DMRT1: variants seen among roughly 807,000 people sequenced by gnomAD.
The protein encoded by DMRT1 is doublesex and mab-3 related transcription factor 1.
DMRT1 carries 7 observed loss-of-function variants against 32.3 expected under a neutral mutation model. That is an observed-to-expected ratio of 0.22 (90% confidence interval 0.12 to 0.41). The LOEUF is 0.41. Among genes scored for constraint, DMRT1 ranks in the 10% least tolerant of loss-of-function variants. The probability of loss-of-function intolerance (pLI) is 1.00; values close to 1 mark genes in which losing one functional copy is unlikely to be tolerated. For synonymous variants in DMRT1, 278 were observed against 206.1 expected (o/e 1.35, Z -2.99); for missense variants, 625 against 500.5 (o/e 1.25, Z -2.37).
intron 3 of DMRT1, among the ~76,000 whole-genome samples, chr9:912,694 G>T (rs1311160654): frequency 6.6e-6 from 1 of 152,064 alleles, no homozygotes; most frequent in Non-Finnish European, 1.5e-5. Flanking sequence ...GCCTGTTTTA[G>T]TTAATATAGG....
chr9:842,855 C>T (rs940186424), intron 1 of DMRT1: 8 of 152,358 alleles, frequency 5.3e-5, no homozygotes, highest in African/African-American at 1.7e-4. Context: ...GGGTTCGCCC[C>T]TCTGGGCTTC....
chr9:932,517 T>C (rs1419197834), intron 4 of DMRT1, among the ~76,000 whole-genome samples: 1 of 152,218 alleles, frequency 6.6e-6, no homozygotes, highest in Non-Finnish European at 1.5e-5. Flanking sequence ...GATCATTTTG[T>C]TCAGTCCTAA....
intron 4 of DMRT1, among the ~76,000 whole-genome samples, chr9:963,844 T>A (rs1024973035): frequency 6.6e-6 from 1 of 152,240 alleles, no homozygotes; most frequent in African/African-American, 2.4e-5. Flanking sequence ...AAGAATTTGT[T>A]GTTTAAGAAA....
Position 847,852 on chromosome 9 carries a change from A to G in DMRT1, c.538+709A>G, listed in dbSNP as rs150144779. On this transcript the variant is annotated intron_variant, in intron 2 of 4. Coordinates refer to ENST00000382276, the MANE Select transcript of DMRT1 (RefSeq NM_021951.3). ...GCTTTTTAAATTTAAATTCATTACAATGAAATAAATGAAAACATTCGGTTT... is the reference window on the plus strand; with the variant it reads ...GCTTTTTAAATTTAAATTCATTACAGTGAAATAAATGAAAACATTCGGTTT... Among the ~76,000 whole-genome samples, 9 of 152,352 alleles carry G rather than the reference A, an allele frequency of 5.9e-5. No homozygotes were observed. In the East Asian group the frequency reaches 1.5e-3, roughly 26 times the overall value.
chr9:846,372 T>A (rs1422400460), intron 1 of DMRT1, among the ~76,000 whole-genome samples: 1 of 152,074 alleles, frequency 6.6e-6, no homozygotes, highest in Non-Finnish European at 1.5e-5. Context: ...TAGGATACAA[T>A]CTACTCTTAC....
chr9:964,848 T>C (rs72701072), intron 4 of DMRT1, among the ~76,000 whole-genome samples: 10,843 of 152,206 alleles, frequency 0.071, 513 homozygotes, highest in South Asian at 0.18. Context: ...TCCAGAGAGA[T>C]TGAACCAATT....
chr9:848,335 G>A (rs10977034), intron 2 of DMRT1, among the ~76,000 whole-genome samples: 106,276 of 151,948 alleles, frequency 0.7, 38,020 homozygotes, highest in Middle Eastern at 0.78. Flanking sequence ...TATGAATCTT[G>A]GCCATTATTA....
At chr9:947,073 T>C (rs1819269968) in intron 4 of DMRT1, among the ~76,000 whole-genome samples, 1 of 152,186 alleles carries the variant, frequency 6.6e-6, no homozygotes. Context: ...AAGCAACTCG[T>C]CTACAGCAGC....
intron 4 of DMRT1, among the ~76,000 whole-genome samples, chr9:951,711 T>C (rs1170822200): frequency 6.6e-6 from 1 of 152,168 alleles, no homozygotes. Flanking sequence ...AGGGAGGGTA[T>C]AAGTTGTAGT....
At chr9:888,735 A>AGGG in intron 2 of DMRT1, among the ~76,000 whole-genome samples, 1 of 143,572 alleles carries the variant, frequency 7.0e-6, no homozygotes. Context: ...CGATGCAGTC[A>AGGG]GGGGCATGAA....
At chr9:914,638 C>T (rs1383848947) in intron 3 of DMRT1, among the ~76,000 whole-genome samples, 1 of 149,950 alleles carries the variant, frequency 6.7e-6, no homozygotes, top group African/African-American at 2.4e-5. Context: ...AGTGATTGGC[C>T]TAGAAGAGAC....
Position 842,230 on chromosome 9 carries a change from G to GTTTTTTTTTTTTTTTTTTTTTTTT in DMRT1, c.354+61_354+62insTTTTTTTTTTTTTTTTTTTTTTTT, listed in dbSNP as rs780064237. 11 of 1,267,102 alleles carry GTTTTTTTTTTTTTTTTTTTTTTTT rather than the reference G, an allele frequency of 8.7e-6. No homozygotes were observed. The African/African-American group carries it at 1.7e-4, about 20-fold the overall frequency. The allele number at this position is 1,267,102 out of a possible 1,614,324, so 78.5% of individuals were successfully genotyped here. ...GTGCGGGAGCCCGGGTTCAGCCTTA[G>GTTTTTTTTTTTTTTTTTTTTTTTT]TTTTTTTTTTTTTTTTTTTTTTTAG... On this transcript the variant is annotated intron_variant, in intron 1 of 4. Coordinates refer to ENST00000382276, the MANE Select transcript of DMRT1 (RefSeq NM_021951.3).
At chr9:860,260 G>T (rs1176202986) in intron 2 of DMRT1, among the ~76,000 whole-genome samples, 2 of 152,142 alleles carry the variant, frequency 1.3e-5, no homozygotes, top group African/African-American at 4.8e-5. Flanking sequence ...TCGTGCCATT[G>T]TACTCCAGCC....
chr9:904,938 G>A (rs1447263351), intron 3 of DMRT1, among the ~76,000 whole-genome samples: 2 of 76,856 alleles, frequency 2.6e-5, no homozygotes, highest in African/African-American at 4.3e-5. Context: ...ACGAAACTCC[G>A]TCTCAAAAAA....
intron 4 of DMRT1, among the ~76,000 whole-genome samples, chr9:951,596 T>G (rs1819428831): frequency 6.6e-6 from 1 of 152,194 alleles, no homozygotes; most frequent in Admixed American, 6.5e-5. Context: ...GTTGGCAGCA[T>G]GAAGCTTGCA....
In DMRT1 at chr9:842,034, G is replaced by T. The variant is rs892360541; in HGVS notation, c.196G>T (p.Gly66Trp). ...CTCCGGGGCGTCGGACCTGGGTGCC[G>T]GGAGCAAGAAGTCCCCGCGGCTGCC... The part of the protein sequence containing the change: ...SGSGASDLGA[G>W]SKKSPRLPKC... The change falls in exon 1 of 5, where the codon GGG (glycine) becomes TGG (tryptophan). Residue 66 changes from glycine to tryptophan, a missense_variant. Physicochemically the swap from Gly to Trp is radical, Grantham distance 184 (BLOSUM62 -2). This residue lies in a region of DMRT1 where 201 missense variants were observed against 152.0 expected (regional missense o/e 1.32). Transcript: ENST00000382276. The T allele has an allele frequency of 9.6e-5, 148 of 1,547,264 alleles. No homozygotes were observed. The highest frequency in any genetic ancestry group is 1.2e-4 in the Non-Finnish European group (143 of 1,149,128).
At chr9:964,035 C>A (rs1243092530) in intron 4 of DMRT1, among the ~76,000 whole-genome samples, 1 of 152,142 alleles carries the variant, frequency 6.6e-6, no homozygotes, top group Non-Finnish European at 1.5e-5. Flanking sequence ...TAGTGTTTAA[C>A]ATATAGAGGA....
chr9:876,038 C>T (rs1203150452), intron 2 of DMRT1, among the ~76,000 whole-genome samples: 1 of 152,164 alleles, frequency 6.6e-6, no homozygotes, highest in African/African-American at 2.4e-5. Flanking sequence ...CACAGTATGG[C>T]ATGCTTTGCT....
chr9:896,370 C>T lies in DMRT1; in HGVS notation c.822+2175C>T, dbSNP rs188930971. ...CTTGGCTCACTGCAACCTCCACCTC[C>T]TGGGTTCAAGTGATTCTCCTGCCTC... On this transcript the variant is annotated intron_variant, in intron 3 of 4. Coordinates refer to ENST00000382276, the MANE Select transcript of DMRT1 (RefSeq NM_021951.3). Among the ~76,000 whole-genome samples, 391 of 149,242 alleles carry T rather than the reference C, an allele frequency of 2.6e-3. 3 individuals carry two copies. Among genetic ancestry groups the T allele is most frequent in the African/African-American group, 9.4e-3 (379 of 40,414 alleles).
Sources: gnomAD v4.1 joint callset for allele counts (sites outside exome capture counted in the v4.1 genomes callset) on GRCh38, gnomAD v4.1.1 for gene constraint, gnomAD v4.1.1 regional missense constraint, MANE v1.5 for transcripts, NCBI Gene and HGNC (gene_info 2026-07-23, HGNC 2026-07-21) for gene names.